Variants in TSC2 observed in about 807,000 individuals in gnomAD.
The protein encoded by TSC2 is TSC complex subunit 2.
TSC2 carries 29 observed loss-of-function variants against 202.2 expected under a neutral mutation model. The ratio of observed to expected loss-of-function variants is 0.14; its 90% confidence interval spans 0.11 to 0.20. TSC2 has a LOEUF of 0.20. Ranked by LOEUF, TSC2 falls within the 10% of genes least tolerant of loss-of-function variation. TSC2 has a pLI of 1.00. For synonymous variants in TSC2, 1,349 were observed against 1,044.0 expected, an observed-to-expected ratio of 1.29 and a Z score of -5.63; for missense variants, 2,429 against 2,420.0, an observed-to-expected ratio of 1.00 and a Z score of -0.08.
intron 13 of TSC2, 83 bp from the exon 14 acceptor site, chr16:2,062,889 G>C (rs911855038): frequency 3.4e-6 from 5 of 1,472,444 alleles, no homozygotes; most frequent in Non-Finnish European, 4.6e-6. Flanking sequence ...CCAGAGTCGG[G>C]CTGGCCTGCG....
chr16:2,082,355 G>T, intron 31 of TSC2, 81 bp from the exon 32 acceptor site: 2 of 1,521,182 alleles, frequency 1.3e-6, no homozygotes, highest in Admixed American at 1.7e-5. Context: ...TCCTCTGCAG[G>T]CACGGGGCCT....
In TSC2 at chr16:2,054,321, C is replaced by G. The variant is rs767755750; in HGVS notation, c.362C>G (p.Ala121Gly). The change falls in exon 5 of 42, where the codon GCC becomes GGC. Residue 121 changes from alanine to glycine, a missense_variant. Transcript: ENST00000219476. The part of the protein sequence containing the change: ...GQGERLGVLR[A>G]LFFKVIKDYP... ...GGCGAGCGTTTGGGGGTCCTCAGAGCCCTCTTCTTTAAGGTCATCAAGGAT... is the reference window on the plus strand; with the variant it reads ...GGCGAGCGTTTGGGGGTCCTCAGAGGCCTCTTCTTTAAGGTCATCAAGGAT... 18 of 1,614,040 alleles carry G rather than the reference C, an allele frequency of 1.1e-5. No homozygotes were observed. In the Admixed American group the frequency reaches 2.8e-4, roughly 25 times the overall value.
intron 6 of TSC2, 156 bp downstream of exon 6, chr16:2,055,675 G>C: frequency 1.4e-6 from 1 of 727,380 alleles, no homozygotes; most frequent in East Asian, 2.7e-5. Context: ...GGCGGATCAC[G>C]AGGTCAGGAG....
rs2089574802 is a variant in TSC2, at chr16:2,077,599, C to A, written c.2839C>A (p.Leu947Met). The change falls in exon 26 of 42, where the codon CTG becomes ATG. Residue 947 changes from leucine to methionine, a missense_variant and splice_region_variant. Leu to Met is a conservative substitution (Grantham distance 15). Transcript: ENST00000219476. ...STSLNERPKS[L>M]RIARPPKQGL... Reference sequence around the variant, plus strand: ...TGGGGCTCCTTCCTCACCCGATAGTCTGAGGATAGCCAGACCCCCCAAACA... The same window carrying A: ...TGGGGCTCCTTCCTCACCCGATAGTATGAGGATAGCCAGACCCCCCAAACA... The A allele has an allele frequency of 1.2e-6, 2 of 1,612,938 alleles. No individual in the cohort carries two copies. Among genetic ancestry groups the A allele is most frequent in the Admixed American group, 3.3e-5 (2 of 59,994 alleles).
At chr16:2,055,372 C>T (rs1380883755) in intron 5 of TSC2, 30 bp from the exon 6 acceptor site, 1 of 1,586,934 alleles carries the variant, frequency 6.3e-7, no homozygotes, top group Non-Finnish European at 8.7e-7. Flanking sequence ...GATTCGGCGT[C>T]CTCGCAAACT....
In TSC2 at chr16:2,056,753, G is replaced by T. The variant is rs766547457; in HGVS notation, c.758G>T (p.Cys253Phe). The T allele has an allele frequency of 1.9e-6, 3 of 1,610,048 alleles. No homozygotes were observed. The highest frequency in any genetic ancestry group is 4.5e-5 in the East Asian group (2 of 44,886). ...CGCACCATCAACGTCAAGGAGCTCT[G>T]CGAGCCTTGCTGGAAGGTGGGGTTT... ...LCRTINVKEL[C>F]EPCWKLMRNL... The change falls in exon 8 of 42, where the codon TGC becomes TTC. Residue 253 changes from cysteine (C) to phenylalanine (F), a missense_variant. By Grantham distance (205) the Cys-to-Phe change is radical (BLOSUM62 -2). Transcript: ENST00000219476.
chr16:2,076,051 C>G lies in TSC2; in HGVS notation c.2640-17C>G, dbSNP rs2151385497. The G allele has an allele frequency of 6.2e-7, 1 of 1,613,900 alleles. No individual in the cohort carries two copies. The highest frequency in any genetic ancestry group is 1.1e-5 in the South Asian group (1 of 91,080). On this transcript the variant is annotated splice_polypyrimidine_tract_variant and intron_variant, in intron 23 of 41. Transcript: ENST00000219476. Reference sequence around the variant, plus strand: ...CCCTGCTGCCAGGATGGAGTGCCAGCCCCCTTCTCATCTCAGGTTTAATCA... The same window carrying G: ...CCCTGCTGCCAGGATGGAGTGCCAGGCCCCTTCTCATCTCAGGTTTAATCA...
chr16:2,050,265 C>A, intron 2 of TSC2, 135 bp from the exon 3 acceptor site: 1 of 922,664 alleles, frequency 1.1e-6, no homozygotes, highest in Non-Finnish European at 1.7e-6. Context: ...TCAAGTGAAT[C>A]TTGATTCCAG....
At chr16:2,053,551 C>T in intron 4 of TSC2, 99 bp downstream of exon 4, 1 of 1,236,600 alleles carries the variant, frequency 8.1e-7, no homozygotes, top group South Asian at 1.3e-5. Context: ...CGGTGAGTTG[C>T]TGGGCACAGG....
rs766956763 is a variant in TSC2, at chr16:2,079,223, G to A, written c.3131+27G>A. 43 of 1,612,816 alleles carry A rather than the reference G, an allele frequency of 2.7e-5. No homozygotes were observed. The highest frequency in any genetic ancestry group is 3.5e-5 in the Non-Finnish European group (41 of 1,180,008). ...TCCAGGCGGCACTACAGGGCTGGGC[G>A]GGCCTGCGGGAGCTCCACGGGCAAG... On this transcript the variant is annotated intron_variant, in intron 27 of 41. Transcript: ENST00000219476. This position sits in a 1 kb window ranked among gnomAD's most constrained non-coding sequence, Gnocchi z 4.6.
At position 2,085,449 on chromosome 16, in the gene TSC2, G is replaced by T; in HGVS notation, c.4662+127G>T. ...ACTGCCGGGTCCCCTACAGCATGAA[G>T]TGCTCATTGAGCTCTGTGCCAGGTG... On this transcript the variant is annotated intron_variant, in intron 36 of 41. Transcript: ENST00000219476. 3.9e-6 allele frequency: 4 copies of T among 1,020,816 alleles called. No individual in the cohort carries two copies. In the South Asian group the frequency reaches 5.6e-5, roughly 14 times the overall value. The allele number at this position is 1,020,816 out of a possible 1,614,324, so 63.2% of individuals were successfully genotyped here. A position where few individuals can be genotyped will look rare whatever the true frequency, so the allele number is the denominator to read the frequency against.
intron 37 of TSC2, 102 bp downstream of exon 37, chr16:2,086,481 C>T (rs556106359): frequency 5.6e-5 from 84 of 1,500,666 alleles, no homozygotes; most frequent in Non-Finnish European, 7.2e-5. Context: ...CTGGCACCCC[C>T]ACCTGCTCCA....
chr16:2,059,417 A>T (rs1596292420), intron 10 of TSC2, among the ~76,000 whole-genome samples: 2 of 124,180 alleles, frequency 1.6e-5, no homozygotes, highest in South Asian at 5.0e-4. Context: ...ATCTCGGCTC[A>T]CTGCAACCTC....
At chr16:2,048,171 C>T (rs1215858841) in intron 1 of TSC2, 106 bp downstream of exon 1, 4 of 1,537,630 alleles carry the variant, frequency 2.6e-6, no homozygotes, top group Non-Finnish European at 3.5e-6. Context: ...GCGCCCACTG[C>T]AACCCGACTC....
chr16:2,050,521 A>C, intron 3 of TSC2, 35 bp downstream of exon 3: 3 of 1,587,160 alleles, frequency 1.9e-6, no homozygotes, highest in Non-Finnish European at 2.6e-6. Flanking sequence ...AGAGAGAGGC[A>C]CGTAGACTAT....
chr16:2,065,910 C>G (rs773733555), intron 16 of TSC2, among the ~76,000 whole-genome samples: 2 of 152,250 alleles, frequency 1.3e-5, no homozygotes, highest in Non-Finnish European at 2.9e-5. Flanking sequence ...GGCGCTTGCC[C>G]TCGTCACCCA....
intron 3 of TSC2, 136 bp downstream of exon 3, chr16:2,050,622 G>A (rs1162293496): frequency 1.4e-5 from 9 of 641,350 alleles, no homozygotes; most frequent in Non-Finnish European, 2.4e-5. Flanking sequence ...TTTTTTTTGA[G>A]ATGGAGTCTT....
chr16:2,070,503 G>C lies in TSC2; in HGVS notation c.1764G>C (p.Glu588Asp), dbSNP rs2088130143. 6.2e-7 allele frequency: 1 copy of C among 1,613,454 alleles called. No individual in the cohort carries two copies. Among genetic ancestry groups the C allele is most frequent in the Admixed American group, 1.7e-5 (1 of 60,030 alleles). Residue 588 changes from glutamate to aspartate, a missense_variant, in exon 17 of 42, where the codon GAG becomes GAC. Coordinates refer to ENST00000219476, the MANE Select transcript of TSC2 (RefSeq NM_000548.5). ...CAAGCCACGCCACGCGTGTGTATGA[G>C]ATGCTGGTCAGCCACATTCAGCTCC... ...LPASHATRVY[E>D]MLVSHIQLHY...
At chr16:2,080,638 C>G in intron 30 of TSC2, 2 of 486,966 alleles carry the variant, frequency 4.1e-6, no homozygotes, top group South Asian at 2.2e-5. Flanking sequence ...CGCCCGCCAC[C>G]ACGCCTGGCC....
Sources: allele counts gnomAD v4.1 joint callset (sites outside exome capture counted in the v4.1 genomes callset), GRCh38; gene constraint gnomAD v4.1.1; non-coding constraint Gnocchi (gnomAD v3.1); transcripts MANE v1.5; gene names NCBI Gene and HGNC (gene_info 2026-07-23, HGNC 2026-07-21).